GNB5: variants seen among roughly 807,000 people sequenced by gnomAD.
GNB5 encodes G protein subunit beta 5.
A neutral mutation model predicts 55.3 loss-of-function variants in GNB5; 37 were observed. The observed-to-expected ratio is 0.67, with a 90% CI of 0.51 to 0.88. The LOEUF (loss-of-function observed/expected upper bound fraction) is 0.88, where lower values mean the gene tolerates loss of function less well. Among genes scored for constraint, GNB5 ranks in the 40% least tolerant of loss-of-function variants. The pLI, the probability that GNB5 is intolerant of heterozygous loss-of-function variation, is 0.00. For synonymous variants in GNB5, 219 were observed against 198.5 expected, an observed-to-expected ratio of 1.10 and a Z score of -0.87; for missense variants, 476 against 515.3, an observed-to-expected ratio of 0.92 and a Z score of 0.74.
intron 7 of GNB5, among the ~76,000 whole-genome samples, chr15:52,136,375 T>A (rs896264174): frequency 1.3e-5 from 2 of 152,208 alleles, no homozygotes; most frequent in African/African-American, 4.8e-5. Context: ...GAGTCTCTAC[T>A]GAGTGTTTAA....
In GNB5 at chr15:52,124,645, AG is replaced by A; in HGVS notation, c.1010-7del. The A allele has an allele frequency of 6.2e-7, 1 of 1,612,874 alleles. No individual in the cohort carries two copies. Among genetic ancestry groups the A allele is most frequent in the Non-Finnish European group, 8.5e-7 (1 of 1,179,070 alleles). ...TCCAGCAAACAGCAGGCGACCTTGA[AG>A]CAGGGTGAGATGATAGCTGTTAAGC... is the stretch of plus-strand genomic sequence containing the variant. On this transcript the variant is annotated splice_polypyrimidine_tract_variant and splice_region_variant and intron_variant, in intron 11 of 12. Coordinates refer to ENST00000261837, the MANE Select transcript of GNB5 (RefSeq NM_016194.4).
At chr15:52,152,325 T>G (rs1471297229) in intron 4 of GNB5, among the ~76,000 whole-genome samples, 4 of 149,614 alleles carry the variant, frequency 2.7e-5, no homozygotes, top group Non-Finnish European at 4.5e-5. Flanking sequence ...TATAATATCT[T>G]TTTTTTTTTG....
intron 3 of GNB5, among the ~76,000 whole-genome samples, chr15:52,175,821 TG>T (rs1596105624): frequency 1.3e-5 from 2 of 151,520 alleles, no homozygotes; most frequent in East Asian, 3.9e-4. Flanking sequence ...GAGGCCAAGG[TG>T]GACGGATCAC....
intron 2 of GNB5, among the ~76,000 whole-genome samples, chr15:52,183,329 A>G (rs1220131438): frequency 1.6e-5 from 1 of 62,362 alleles, no homozygotes. Flanking sequence ...AGATTAATAA[A>G]TAATGGGGGG....
chr15:52,130,011 G>C (rs1596057120), intron 9 of GNB5, among the ~76,000 whole-genome samples: 1 of 152,204 alleles, frequency 6.6e-6, no homozygotes, highest in Non-Finnish European at 1.5e-5. Flanking sequence ...TGGCTAATGG[G>C]ATGCAGGCAG....
chr15:52,179,957 C>T (rs201831470), intron 2 of GNB5, 78 bp from the exon 3 acceptor site: 19 of 1,416,824 alleles, frequency 1.3e-5, no homozygotes, highest in Admixed American at 2.7e-5. Context: ...CTCCAGCAGC[C>T]GTCCCCGGCC....
At chr15:52,190,815 A>C (rs1375633021) in intron 1 of GNB5, among the ~76,000 whole-genome samples, 3 of 103,436 alleles carry the variant, frequency 2.9e-5, no homozygotes, top group Non-Finnish European at 6.2e-5. Context: ...AAAAAAAAAA[A>C]AAACATAAAT....
chr15:52,157,096 T>C (rs12909880), intron 3 of GNB5, among the ~76,000 whole-genome samples: 24,247 of 149,832 alleles, frequency 0.16, 2,258 homozygotes, highest in Admixed American at 0.27. Context: ...CCACCACTCC[T>C]GGCTAATTTT....
intron 7 of GNB5, chr15:52,137,457 C>G: frequency 9.8e-7 from 1 of 1,018,342 alleles, no homozygotes; most frequent in Non-Finnish European, 1.2e-6. Context: ...CAGGTGGGGA[C>G]TCAGTCTGAA....
chr15:52,172,814 TTCCATACCCCTC>T (rs1374654005), intron 3 of GNB5, among the ~76,000 whole-genome samples: 1 of 152,128 alleles, frequency 6.6e-6, no homozygotes, highest in East Asian at 1.9e-4. Context: ...CACCTTCACT[TTCCATACCCCTC>T]TCTAGCGATA....
rs1280146904 is a variant in GNB5, at chr15:52,118,703, T to C, written c.*4054A>G. ...GACCAACATGGAGAAACCTGGTCTC[T>C]ACTAAAAATACAAAATTAGCCGGGC... On this transcript the variant is annotated 3_prime_UTR_variant, in exon 13 of 13. Transcript: ENST00000261837. 2 of 152,022 alleles carry C rather than the reference T, an allele frequency of 1.3e-5. No homozygotes were observed. The highest frequency in any genetic ancestry group is 3.9e-4 in the East Asian group (2 of 5,166). 9.4% of individuals were successfully genotyped at this position (152,022 alleles called of 1,614,324 possible). A position where few individuals can be genotyped will look rare whatever the true frequency, so the allele number is the denominator to read the frequency against.
chr15:52,187,434 T>A (rs1368953084), intron 1 of GNB5, among the ~76,000 whole-genome samples: 1 of 151,748 alleles, frequency 6.6e-6, no homozygotes, highest in Non-Finnish European at 1.5e-5. Context: ...GAAGAGGAAA[T>A]GAGCTGCGGA....
chr15:52,177,752 C>T (rs2034680626), intron 3 of GNB5, among the ~76,000 whole-genome samples: 1 of 151,896 alleles, frequency 6.6e-6, no homozygotes, highest in Non-Finnish European at 1.5e-5. Flanking sequence ...GTGATAAGAA[C>T]CTTCAAGAAG....
chr15:52,137,282 G>A, intron 7 of GNB5: 1 of 1,140,608 alleles, frequency 8.8e-7, no homozygotes, highest in African/African-American at 1.6e-5. Context: ...AGCATGAGAA[G>A]TGCTGGGATC....
chr15:52,144,613 T>G (rs2033929629), intron 6 of GNB5, among the ~76,000 whole-genome samples: 1 of 152,148 alleles, frequency 6.6e-6, no homozygotes, highest in South Asian at 2.1e-4. Context: ...GCCACCAGTT[T>G]AATAATGTGA....
At chr15:52,132,126 T>C (rs1000336977) in intron 9 of GNB5, among the ~76,000 whole-genome samples, 1 of 150,444 alleles carries the variant, frequency 6.6e-6, no homozygotes, top group African/African-American at 2.5e-5. Flanking sequence ...GCCAGTGTCA[T>C]TTGGCCCTTT....
chr15:52,171,736 G>C (rs1182152753), intron 3 of GNB5, among the ~76,000 whole-genome samples: 1 of 152,150 alleles, frequency 6.6e-6, no homozygotes, highest in Non-Finnish European at 1.5e-5. Flanking sequence ...CTAGAAAGTT[G>C]GTTTTCCTAG....
At chr15:52,149,711 G>A in intron 5 of GNB5, 173 bp downstream of exon 5, 1 of 696,048 alleles carries the variant, frequency 1.4e-6, no homozygotes. Context: ...GCAATGGGCT[G>A]GCTGAGCTGT....
chr15:52,179,152 C>G (rs777562968), intron 3 of GNB5, among the ~76,000 whole-genome samples: 4 of 152,170 alleles, frequency 2.6e-5, no homozygotes, highest in Non-Finnish European at 5.9e-5. Flanking sequence ...TCCACCACAT[C>G]GATCCAAAAG....
Sources: allele counts gnomAD v4.1 joint callset (sites outside exome capture counted in the v4.1 genomes callset), GRCh38; gene constraint gnomAD v4.1.1; transcripts MANE v1.5; gene names NCBI Gene and HGNC (gene_info 2026-07-23, HGNC 2026-07-21).